RCAN3: variants seen among roughly 807,000 people sequenced by gnomAD.
The protein encoded by RCAN3 is calcipressin-3.
In RCAN3, 19 loss-of-function variants were observed where a neutral mutation model predicts 21.9. That is an observed-to-expected ratio of 0.87 (90% CI 0.61 to 1.27). The LOEUF (loss-of-function observed/expected upper bound fraction) is 1.27, where lower values mean the gene tolerates loss of function less well. Ranked by LOEUF, RCAN3 falls within the 50% of genes most tolerant of loss-of-function variation. RCAN3 has a pLI of 0.00. For missense variants in RCAN3, 240 were observed against 300.1 expected, an observed-to-expected ratio of 0.80 and a Z score of 1.48; for synonymous variants, 114 against 112.3, an observed-to-expected ratio of 1.01 and a Z score of -0.09.
rs1440811932 is a variant in RCAN3 at position 24,535,409 on chromosome 1, G to A, written c.*132G>A. 2 of 928,428 alleles carry A rather than the reference G, an allele frequency of 2.2e-6. No individual in the cohort carries two copies. The highest frequency in any genetic ancestry group is 2.8e-5 in the South Asian group (1 of 36,154). The allele number at this position is 928,428 out of a possible 1,614,324, so 57.5% of individuals were successfully genotyped here. ...AGTGAGGTATAGGTCTTCTCACCAC[G>A]CCTGTACTGCAGACACGGTCGTGTA... On this transcript the variant is annotated 3_prime_UTR_variant, in exon 5 of 5. Transcript: ENST00000374395.
At chr1:24,503,341 C>T (rs1647226229) in intron 1 of RCAN3, among the ~76,000 whole-genome samples, 191 bp downstream of exon 1, 1 of 151,970 alleles carries the variant, frequency 6.6e-6, no homozygotes, top group Non-Finnish European at 1.5e-5. Context: ...CCGCCGCACC[C>T]TTCTCGCGCG....
chr1:24,522,448 C>T (rs967920656), intron 2 of RCAN3, among the ~76,000 whole-genome samples: 2 of 152,188 alleles, frequency 1.3e-5, no homozygotes, highest in Non-Finnish European at 2.9e-5. Flanking sequence ...AAACTAAACC[C>T]GGTGAATAAG....
At chr1:24,508,470 G>A (rs916352259) in intron 1 of RCAN3, among the ~76,000 whole-genome samples, 3 of 152,208 alleles carry the variant, frequency 2.0e-5, no homozygotes, top group Non-Finnish European at 4.4e-5. Context: ...ATACTCCAGT[G>A]TGGATAAAGT....
chr1:24,529,079 C>A (rs1167293340), intron 2 of RCAN3, among the ~76,000 whole-genome samples: 1 of 152,162 alleles, frequency 6.6e-6, no homozygotes, highest in Non-Finnish European at 1.5e-5. Flanking sequence ...CTAAATAATT[C>A]ATGAGACAGG....
chr1:24,521,145 C>T (rs140134020), intron 2 of RCAN3, among the ~76,000 whole-genome samples: 5 of 152,254 alleles, frequency 3.3e-5, no homozygotes, highest in African/African-American at 4.8e-5. Context: ...AGCCCAGAGA[C>T]GAACCTTTGT....
Position 24,540,586 on chromosome 1 carries a change from A to G in RCAN3, c.*5309A>G, listed in dbSNP as rs1426986811. On this transcript the variant is annotated 3_prime_UTR_variant, in exon 5 of 5. Coordinates refer to ENST00000374395, the MANE Select transcript of RCAN3 (RefSeq NM_013441.4). ...GCCATATTCTTCTTGCTGCTTTTCA[A>G]CCCCACGTGATTGTTGATTGACGGT... 1 of 151,888 alleles carries G rather than the reference A, an allele frequency of 6.6e-6. No individual in the cohort carries two copies. The highest frequency in any genetic ancestry group is 2.4e-5 in the African/African-American group (1 of 41,318). The allele number at this position is 151,888 out of a possible 1,614,324, so 9.4% of individuals were successfully genotyped here.
chr1:24,505,816 A>C (rs752720044), intron 1 of RCAN3, among the ~76,000 whole-genome samples: 1 of 152,234 alleles, frequency 6.6e-6, no homozygotes, highest in East Asian at 1.9e-4. Flanking sequence ...ATGTTCACCA[A>C]GTTGGGAAGC....
chr1:24,527,740 A>G (rs1649393297), intron 2 of RCAN3, among the ~76,000 whole-genome samples: 1 of 152,210 alleles, frequency 6.6e-6, no homozygotes, highest in Admixed American at 6.5e-5. Flanking sequence ...AGCCTAAGGA[A>G]TATTTCTAAA....
At chr1:24,518,333 A>G (rs578119636) in intron 2 of RCAN3, among the ~76,000 whole-genome samples, 1 of 152,308 alleles carries the variant, frequency 6.6e-6, no homozygotes, top group South Asian at 2.1e-4. Flanking sequence ...GTTTTTATCA[A>G]TATTTCTTAA....
At position 24,509,202 on chromosome 1, in the gene RCAN3, G is replaced by C. The variant is rs116836226; in HGVS notation, c.-59-5112G>C. Among the ~76,000 whole-genome samples, 1,453 of 152,314 alleles carry C rather than the reference G, an allele frequency of 9.5e-3. 32 individuals are homozygous for C. The highest frequency in any genetic ancestry group is 0.033 in the African/African-American group (1,369 of 41,556). On this transcript the variant is annotated intron_variant, in intron 1 of 4. Coordinates refer to ENST00000374395, the MANE Select transcript of RCAN3 (RefSeq NM_013441.4). ...CAAACGATTAAGTCGTAATCTTTTT[G>C]TTGGTGGAAGATCTTGCCTTGAGGT...
At chr1:24,522,809 A>G (rs1648925766) in intron 2 of RCAN3, among the ~76,000 whole-genome samples, 2 of 152,208 alleles carry the variant, frequency 1.3e-5, no homozygotes, top group Non-Finnish European at 2.9e-5. Flanking sequence ...TTTTTAGGTT[A>G]TGCAAAAAGG....
chr1:24,529,213 C>G (rs1234911374), intron 2 of RCAN3, among the ~76,000 whole-genome samples: 1 of 150,238 alleles, frequency 6.7e-6, no homozygotes, highest in Non-Finnish European at 1.5e-5. Context: ...TCCAGACCAG[C>G]CTGGGCAAGA....
chr1:24,526,515 G>T (rs1251251633), intron 2 of RCAN3, among the ~76,000 whole-genome samples: 1 of 152,090 alleles, frequency 6.6e-6, no homozygotes, highest in Non-Finnish European at 1.5e-5. Context: ...AAGGGAAATG[G>T]GAAGAAGGAT....
At chr1:24,524,834 T>G (rs60629626) in intron 2 of RCAN3, among the ~76,000 whole-genome samples, 16 of 121,572 alleles carry the variant, frequency 1.3e-4, no homozygotes, top group African/African-American at 2.9e-4. Flanking sequence ...TTTTGTTTTT[T>G]TTTTTTTTTT....
intron 2 of RCAN3, among the ~76,000 whole-genome samples, chr1:24,519,904 T>C (rs1296768857): frequency 6.6e-6 from 1 of 152,240 alleles, no homozygotes; most frequent in Non-Finnish European, 1.5e-5. Context: ...CTTTTGTGGC[T>C]TGTATAATCA....
In RCAN3 at chr1:24,540,167, A is replaced by T. The variant is rs1168769606; in HGVS notation, c.*4890A>T. On this transcript the variant is annotated 3_prime_UTR_variant, in exon 5 of 5. Coordinates refer to ENST00000374395, the MANE Select transcript of RCAN3 (RefSeq NM_013441.4). ...TCTTATTACCAAATGTACAATCCAT[A>T]AGACAACTGAAAGCAACAACTGCTG... The T allele has an allele frequency of 6.6e-6, 1 of 152,234 alleles. No homozygotes were observed. Among genetic ancestry groups the T allele is most frequent in the Non-Finnish European group, 1.5e-5 (1 of 68,032 alleles). 9.4% of individuals were successfully genotyped at this position (152,234 alleles called of 1,614,324 possible). A position where few individuals can be genotyped will look rare whatever the true frequency, so the allele number is the denominator to read the frequency against.
intron 2 of RCAN3, among the ~76,000 whole-genome samples, chr1:24,522,298 C>T (rs557907579): frequency 5.9e-5 from 9 of 152,318 alleles, no homozygotes; most frequent in African/African-American, 1.7e-4. Context: ...TGTGACCTCA[C>T]ACCTGGCCTG....
At position 24,539,349 on chromosome 1, in the gene RCAN3, T is replaced by TAATAAA. The variant is rs1650390953; in HGVS notation, c.*4072_*4073insAATAAA. On this transcript the variant is annotated 3_prime_UTR_variant, in exon 5 of 5. Transcript: ENST00000374395. Reference sequence around the variant, plus strand: ...TGACTTAATAATTTTATTAATGAATTTGATGTCCCATGTTTTGTAGTTTTG... The same window carrying TAATAAA: ...TGACTTAATAATTTTATTAATGAATTAATAAATGATGTCCCATGTTTTGTAGTTTTG... The TAATAAA allele has an allele frequency of 6.6e-6, 1 of 152,212 alleles. No homozygotes were observed. Among genetic ancestry groups the TAATAAA allele is most frequent in the South Asian group, 2.1e-4 (1 of 4,836 alleles). The allele number at this position is 152,212 out of a possible 1,614,324, so 9.4% of individuals were successfully genotyped here.
At chr1:24,508,575 A>G (rs1180740056) in intron 1 of RCAN3, among the ~76,000 whole-genome samples, 1 of 152,228 alleles carries the variant, frequency 6.6e-6, no homozygotes, top group East Asian at 1.9e-4. Context: ...AGGAAGAGGC[A>G]AGACCCAGAA....
Sources: allele counts gnomAD v4.1 joint callset (sites outside exome capture counted in the v4.1 genomes callset), GRCh38; gene constraint gnomAD v4.1.1; transcripts MANE v1.5; gene names NCBI Gene and HGNC (gene_info 2026-07-23, HGNC 2026-07-21).